Variants in ERBB4 observed in about 807,000 individuals in gnomAD.
The protein encoded by ERBB4 is erb-b2 receptor tyrosine kinase 4, also known as receptor tyrosine-protein kinase erbB-4.
In ERBB4, 42 loss-of-function variants were observed where a neutral mutation model predicts 158.0. The ratio of observed to expected loss-of-function variants is 0.27; its 90% CI spans 0.21 to 0.34. ERBB4 has a LOEUF of 0.34. ERBB4 is among the 10% of genes least tolerant of loss of function. The probability of loss-of-function intolerance (pLI) is 1.00; values close to 1 mark genes in which losing one functional copy is unlikely to be tolerated. For missense variants in ERBB4, 1,333 were observed against 1,624.1 expected, an observed-to-expected ratio of 0.82 and a Z score of 3.08; for synonymous variants, 583 against 558.7, an observed-to-expected ratio of 1.04 and a Z score of -0.61.
At chr2:211,493,841 G>A (rs1245173852) in intron 20 of ERBB4, among the ~76,000 whole-genome samples, 3 of 151,986 alleles carry the variant, frequency 2.0e-5, no homozygotes, top group African/African-American at 7.2e-5. Context: ...CCAAACTATG[G>A]TCTCCAAATG....
chr2:211,469,912 G>A (rs55712017), intron 20 of ERBB4, among the ~76,000 whole-genome samples: 1 of 151,936 alleles, frequency 6.6e-6, no homozygotes, highest in Non-Finnish European at 1.5e-5. Context: ...AGTGGGCTTG[G>A]GGGGGGAGAT....
chr2:212,379,257 T>C (rs2090426535), intron 1 of ERBB4, among the ~76,000 whole-genome samples: 1 of 151,782 alleles, frequency 6.6e-6, no homozygotes, highest in South Asian at 2.1e-4. Context: ...TTAAGTTATC[T>C]TGTGCTCATT....
At chr2:212,015,121 C>A (rs1364010752) in intron 2 of ERBB4, among the ~76,000 whole-genome samples, 15 of 123,390 alleles carry the variant, frequency 1.2e-4, no homozygotes, top group African/African-American at 2.3e-4. Context: ...TAAAAATTAG[C>A]CGGGCATGGT....
At chr2:211,482,833 A>C (rs2065118776) in intron 20 of ERBB4, among the ~76,000 whole-genome samples, 1 of 152,192 alleles carries the variant, frequency 6.6e-6, no homozygotes, top group African/African-American at 2.4e-5. Context: ...TGAACCTGGT[A>C]GGCAGAGGTT....
At chr2:211,839,152 A>G (rs1237634393) in intron 3 of ERBB4, among the ~76,000 whole-genome samples, 4 of 110,848 alleles carry the variant, frequency 3.6e-5, no homozygotes, top group Admixed American at 9.9e-5. Context: ...GGAGAGAGAG[A>G]AGGAGGAGGA....
At chr2:212,167,641 G>A (rs967421955) in intron 1 of ERBB4, among the ~76,000 whole-genome samples, 29 of 151,992 alleles carry the variant, frequency 1.9e-4, no homozygotes, top group African/African-American at 4.8e-4. Flanking sequence ...GCATGCATGC[G>A]TATGTTTACT....
At chr2:211,992,016 T>A (rs2082084771) in intron 2 of ERBB4, among the ~76,000 whole-genome samples, 1 of 152,154 alleles carries the variant, frequency 6.6e-6, no homozygotes, top group Admixed American at 6.5e-5. Flanking sequence ...ATAGCTAGAC[T>A]TTCCCACATT....
chr2:211,845,611 T>G (rs1042885052), intron 3 of ERBB4, among the ~76,000 whole-genome samples: 1 of 152,142 alleles, frequency 6.6e-6, no homozygotes, highest in Non-Finnish European at 1.5e-5. Context: ...TTAAGAAACA[T>G]GTATTTTTAG....
At chr2:211,464,049 C>T (rs1326173899) in intron 20 of ERBB4, among the ~76,000 whole-genome samples, 4 of 152,136 alleles carry the variant, frequency 2.6e-5, no homozygotes, top group Non-Finnish European at 4.4e-5. Context: ...TCTTATCTCA[C>T]ATGTCACTTT....
chr2:211,472,042 C>G (rs1284201445), intron 20 of ERBB4, among the ~76,000 whole-genome samples: 1 of 151,988 alleles, frequency 6.6e-6, no homozygotes, highest in Non-Finnish European at 1.5e-5. Flanking sequence ...CCATTGCAAA[C>G]TTTTAAGTTG....
chr2:211,887,289 AAAC>A lies in ERBB4; in HGVS notation c.421+60138_421+60140del, dbSNP rs1420772241. Among the ~76,000 whole-genome samples the A allele has an allele frequency of 3.5e-5, 5 of 144,110 alleles. No homozygotes were observed. In the East Asian group the frequency reaches 5.8e-4, roughly 17 times the overall value. 94.5% of individuals were successfully genotyped at this position (144,110 alleles called of 152,430 possible). A position where few individuals can be genotyped will look rare whatever the true frequency, so the allele number is the denominator to read the frequency against. On this transcript the variant is annotated intron_variant, in intron 3 of 27. Transcript: ENST00000342788. ...ACACACACACACACACAGGTGAGAGAAACAACAGGAAAAAAAAAACAAGTAGTG... is the reference window on the plus strand; with the variant it reads ...ACACACACACACACACAGGTGAGAGAAACAGGAAAAAAAAAACAAGTAGTG...
intron 2 of ERBB4, among the ~76,000 whole-genome samples, chr2:212,058,213 A>T (rs1479292314): frequency 6.6e-6 from 1 of 152,254 alleles, no homozygotes; most frequent in Non-Finnish European, 1.5e-5. Flanking sequence ...ATTCCTGGAC[A>T]CATACACCCT....
chr2:212,477,540 A>C (rs1048872312), intron 1 of ERBB4, among the ~76,000 whole-genome samples: 3 of 152,162 alleles, frequency 2.0e-5, no homozygotes, highest in African/African-American at 7.2e-5. Context: ...TTTCCAACTA[A>C]AGTTGCCAAA....
At chr2:211,964,766 C>G (rs539494298) in intron 2 of ERBB4, among the ~76,000 whole-genome samples, 9 of 152,154 alleles carry the variant, frequency 5.9e-5, no homozygotes, top group African/African-American at 2.2e-4. Context: ...CAAATTAGGT[C>G]ATGGGGATTA....
At position 211,782,088 on chromosome 2, in the gene ERBB4, A is replaced by G. The variant is rs7605388; in HGVS notation, c.556+5937T>C. On this transcript the variant is annotated intron_variant, in intron 4 of 27. Coordinates refer to ENST00000342788, the MANE Select transcript of ERBB4 (RefSeq NM_005235.3). ...CACTAAAATCTCCTTAAGGGGAGGA[A>G]GTAAGGGGGCCTGGAAGACACCTTT... is the stretch of plus-strand genomic sequence containing the variant. Among the ~76,000 whole-genome samples the G allele has an allele frequency of 7.4e-3, 1,120 of 152,260 alleles. 16 individuals are homozygous for G. Among genetic ancestry groups the G allele is most frequent in the African/African-American group, 0.025 (1,044 of 41,542 alleles).
At chr2:212,521,813 A>G (rs1197979371) in intron 1 of ERBB4, among the ~76,000 whole-genome samples, 14 of 151,932 alleles carry the variant, frequency 9.2e-5, no homozygotes, top group Admixed American at 7.9e-4. Flanking sequence ...AGATTCCTCT[A>G]TTTTACTCCT....
chr2:211,973,895 T>C (rs1559223475), intron 2 of ERBB4, among the ~76,000 whole-genome samples: 2 of 152,146 alleles, frequency 1.3e-5, no homozygotes, highest in Non-Finnish European at 2.9e-5. Flanking sequence ...GGAAACTATA[T>C]AGCCATAAAA....
At chr2:212,348,716 A>T (rs1444519065) in intron 1 of ERBB4, among the ~76,000 whole-genome samples, 1 of 152,150 alleles carries the variant, frequency 6.6e-6, no homozygotes. Context: ...CATTACTGAC[A>T]GTCTATGTTT....
At chr2:211,648,445 CG>C (rs1270856161) in intron 16 of ERBB4, among the ~76,000 whole-genome samples, 1 of 151,612 alleles carries the variant, frequency 6.6e-6, no homozygotes, top group Non-Finnish European at 1.5e-5. Flanking sequence ...TTAGGAATTA[CG>C]TTAACTTTTC....
Sources: allele counts gnomAD v4.1 joint callset (sites outside exome capture counted in the v4.1 genomes callset), GRCh38; gene constraint gnomAD v4.1.1; transcripts MANE v1.5; gene names NCBI Gene and HGNC (gene_info 2026-07-23, HGNC 2026-07-21).